The following ZNF227 variants were observed in gnomAD, a reference collection of about 807,000 sequenced individuals.
ZNF227 encodes the protein zinc finger protein 227.
In ZNF227, 12 loss-of-function variants were observed where a neutral mutation model predicts 13.2. That is an observed-to-expected ratio of 0.91 (90% CI 0.58 to 1.47). The LOEUF (loss-of-function observed/expected upper bound fraction) is 1.47, where lower values mean the gene tolerates loss of function less well. ZNF227 is among the 40% of genes most tolerant of loss of function. ZNF227 has a pLI of 0.00. For synonymous variants in ZNF227, 338 were observed against 326.0 expected, an observed-to-expected ratio of 1.04 and a Z score of -0.40; for missense variants, 885 against 967.5, an observed-to-expected ratio of 0.91 and a Z score of 1.13.
chr19:44,235,222 G>C lies in ZNF227; in HGVS notation c.792G>C (p.Arg264Ser). 6.2e-7 allele frequency: 1 copy of C among 1,613,926 alleles called. No individual in the cohort carries two copies. The highest frequency in any genetic ancestry group is 1.1e-5 in the South Asian group (1 of 91,078). ...ECGRGFSYSP[R>S]LPLHPNVHTG... ...GAAGGGGCTTCAGTTATAGCCCAAGGCTTCCCCTTCATCCGAATGTTCATA... is the reference window on the plus strand; with the variant it reads ...GAAGGGGCTTCAGTTATAGCCCAAGCCTTCCCCTTCATCCGAATGTTCATA... The change falls in exon 6 of 6, where the codon AGG (arginine) becomes AGC (serine). Residue 264 changes from arginine to serine, a missense_variant. Physicochemically the swap from Arg to Ser is moderately radical, Grantham distance 110. Coordinates refer to ENST00000313040, the MANE Select transcript of ZNF227 (RefSeq NM_182490.3).
intron 5 of ZNF227, among the ~76,000 whole-genome samples, chr19:44,233,283 T>C (rs1223781697): frequency 6.6e-6 from 1 of 152,184 alleles, no homozygotes; most frequent in Non-Finnish European, 1.5e-5. Context: ...TATTTATGTG[T>C]ATATTTACCA....
chr19:44,218,973 T>C (rs1252833358), intron 3 of ZNF227, among the ~76,000 whole-genome samples: 3 of 152,154 alleles, frequency 2.0e-5, no homozygotes, highest in Admixed American at 6.5e-5. Context: ...CTGCAACCTC[T>C]GCCTCCCAGG....
chr19:44,236,377 C>G lies in ZNF227; in HGVS notation c.1947C>G (p.Ser649=), dbSNP rs755150711. Residue 649 remains serine, a synonymous_variant, in exon 6 of 6, where the codon TCC becomes TCG. Coordinates refer to ENST00000313040, the MANE Select transcript of ZNF227 (RefSeq NM_182490.3). ...KGFSQSSGLQ[S]HQRVHTGEKP... ...TCAGTCAGTCCTCTGGTCTTCAATCCCATCAGAGAGTCCACACGGGGGAAA... is the reference window on the plus strand; with the variant it reads ...TCAGTCAGTCCTCTGGTCTTCAATCGCATCAGAGAGTCCACACGGGGGAAA... The G allele has an allele frequency of 1.9e-6, 3 of 1,613,968 alleles. No individual in the cohort carries two copies. The highest frequency in any genetic ancestry group is 4.5e-5 in the East Asian group (2 of 44,860).
chr19:44,226,822 C>CT (rs1342238861), intron 3 of ZNF227, among the ~76,000 whole-genome samples: 1 of 152,298 alleles, frequency 6.6e-6, no homozygotes, highest in East Asian at 1.9e-4. Context: ...TGAGATGAAC[C>CT]CAGTACCTCA....
At chr19:44,217,996 T>C in intron 3 of ZNF227, 144 bp downstream of exon 3, 1 of 902,884 alleles carries the variant, frequency 1.1e-6, no homozygotes, top group Non-Finnish European at 1.7e-6. Flanking sequence ...GTTTTTTTGT[T>C]TTAGTTTATC....
Position 44,235,315 on chromosome 19 carries a change from A to G in ZNF227, c.885A>G (p.Lys295=), listed in dbSNP as rs768772129. ...RTHQRIHPGE[K]LNRCHESGDC... is the part of the protein sequence containing the mutation. ...ATCAGAGAATTCACCCAGGAGAGAAACTCAATAGATGTCATGAATCTGGTG... is the reference window on the plus strand; with the variant it reads ...ATCAGAGAATTCACCCAGGAGAGAAGCTCAATAGATGTCATGAATCTGGTG... The change falls in exon 6 of 6, where the codon AAA becomes AAG. Residue 295 remains lysine, a synonymous_variant. Transcript: ENST00000313040. 1 of 1,614,174 alleles carries G rather than the reference A, an allele frequency of 6.2e-7. No individual in the cohort carries two copies. The highest frequency in any genetic ancestry group is 1.3e-5 in the African/African-American group (1 of 75,030).
In ZNF227 at chr19:44,229,789, T is replaced by C; in HGVS notation, c.244T>C (p.Trp82Arg). 1 of 1,585,684 alleles carries C rather than the reference T, an allele frequency of 6.3e-7. No individual in the cohort carries two copies. Among genetic ancestry groups the C allele is most frequent in the Non-Finnish European group, 8.6e-7 (1 of 1,161,098 alleles). Residue 82 changes from tryptophan (W) to arginine (R), a missense_variant, in exon 5 of 6, where the codon TGG (tryptophan) becomes CGG (arginine). Transcript: ENST00000313040. The part of the protein sequence containing the change: ...VSQLEAEEKL[W>R]MMETETQRSS... ...CCAATTGGAAGCAGAAGAAAAGCTTTGGATGATGGAAACAGAAACCCAAAG... is the reference window on the plus strand; with the variant it reads ...CCAATTGGAAGCAGAAGAAAAGCTTCGGATGATGGAAACAGAAACCCAAAG...
chr19:44,211,007 A>T (rs150122084), upstream of ZNF227, among the ~76,000 whole-genome samples: 401 of 152,318 alleles, frequency 2.6e-3, 2 homozygotes, highest in African/African-American at 9.0e-3. Flanking sequence ...TAGCCTGGCC[A>T]AGATGGCAAA....
rs146509644 is a variant in ZNF227 at position 44,235,969 on chromosome 19, C to T, written c.1539C>T (p.Val513=). ...QASNLQVHQN[V]HTGEKRFKCE... ...CAAATCTTCAAGTCCATCAGAATGT[C>T]CACACTGGGGAGAAACGATTCAAGT... Residue 513 remains valine, a synonymous_variant, in exon 6 of 6, where the codon GTC becomes GTT. Coordinates refer to ENST00000313040, the MANE Select transcript of ZNF227 (RefSeq NM_182490.3). 1.4e-3 allele frequency: 2,287 copies of T among 1,613,814 alleles called. 36 individuals are homozygous for T. The African/African-American group carries it at 0.027, about 19-fold the overall frequency.
At chr19:44,215,637 CTAAACT>C (rs1971800337) in intron 2 of ZNF227, among the ~76,000 whole-genome samples, 2 of 151,834 alleles carry the variant, frequency 1.3e-5, no homozygotes, top group Non-Finnish European at 1.5e-5. Flanking sequence ...TTAGCAAATA[CTAAACT>C]TAATCAGCAT....
At chr19:44,219,290 C>T (rs1021931473) in intron 3 of ZNF227, among the ~76,000 whole-genome samples, 6 of 152,112 alleles carry the variant, frequency 3.9e-5, no homozygotes, top group East Asian at 1.9e-4. Flanking sequence ...ATTCCATGAA[C>T]GTAGATGCTC....
chr19:44,236,684 G>A lies in ZNF227; in HGVS notation c.2254G>A (p.Gly752Ser), dbSNP rs1322046840. Reference protein sequence around the residue: ...KLFKCEECGKGFSQSARLEAH... With the variant: ...KLFKCEECGKSFSQSARLEAH... ...CTTTAAATGTGAAGAGTGTGGTAAA[G>A]GCTTCAGTCAGAGTGCACGTCTTGA... The change falls in exon 6 of 6, where the codon GGC (glycine) becomes AGC (serine). Residue 752 changes from glycine (G) to serine (S), a missense_variant. Gly to Ser is a moderately conservative substitution (Grantham distance 56). Coordinates refer to ENST00000313040, the MANE Select transcript of ZNF227 (RefSeq NM_182490.3). The A allele has an allele frequency of 6.2e-7, 1 of 1,613,896 alleles. No homozygotes were observed.
At position 44,236,935 on chromosome 19, in the gene ZNF227, G is replaced by T. The variant is rs565580084; in HGVS notation, c.*105G>T. The T allele has an allele frequency of 5.8e-6, 5 of 863,338 alleles. No individual in the cohort carries two copies. The highest frequency in any genetic ancestry group is 8.7e-6 in the Non-Finnish European group (5 of 574,360). 53.5% of individuals were successfully genotyped at this position (863,338 alleles called of 1,614,324 possible). ...GTAAAACTACTGAGAGTGGAAGGGG[G>T]TTTGTTCACACTTGGAATCTTTCTA... is the stretch of plus-strand genomic sequence containing the variant. On this transcript the variant is annotated 3_prime_UTR_variant, in exon 6 of 6. Transcript: ENST00000313040.
chr19:44,219,059 G>T (rs1222947627), intron 3 of ZNF227, among the ~76,000 whole-genome samples: 1 of 152,136 alleles, frequency 6.6e-6, no homozygotes, highest in African/African-American at 2.4e-5. Flanking sequence ...GGCTAATTTT[G>T]TATTTTTATT....
At chr19:44,222,371 G>C (rs906972547) in intron 3 of ZNF227, among the ~76,000 whole-genome samples, 39 of 152,068 alleles carry the variant, frequency 2.6e-4, no homozygotes, top group African/African-American at 5.8e-4. Flanking sequence ...ACATTTTCAC[G>C]ATATTGATTC....
intron 2 of ZNF227, among the ~76,000 whole-genome samples, chr19:44,215,235 C>T (rs1193338652): frequency 6.7e-6 from 1 of 149,758 alleles, no homozygotes; most frequent in Non-Finnish European, 1.5e-5. Flanking sequence ...GGCGCCATCT[C>T]GGTTCACTGC....
intron 3 of ZNF227, 25 bp from the exon 4 acceptor site, chr19:44,228,421 A>G: frequency 6.3e-7 from 1 of 1,595,272 alleles, no homozygotes; most frequent in South Asian, 1.1e-5. Context: ...TGTAAGATTG[A>G]GGTTACATGT....
At position 44,230,926 on chromosome 19, in the gene ZNF227, A is replaced by AATATATAT. The variant is rs58952117; in HGVS notation, c.271+1131_271+1138dup. ...ATCTCTACAAAAAAAAAAAAAAAAA[A>AATATATAT]ATATATATATATATATATATATATA... On this transcript the variant is annotated intron_variant, in intron 5 of 5. Transcript: ENST00000313040. Among the ~76,000 whole-genome samples, 96 of 68,040 alleles carry AATATATAT rather than the reference A, an allele frequency of 1.4e-3. 1 individual carries two copies. Among genetic ancestry groups the AATATATAT allele is most frequent in the African/African-American group, 4.5e-3 (46 of 10,200 alleles). 44.6% of individuals were successfully genotyped at this position (68,040 alleles called of 152,430 possible).
chr19:44,228,730 T>C (rs574066799), intron 4 of ZNF227, 158 bp downstream of exon 4: 1 of 911,782 alleles, frequency 1.1e-6, no homozygotes, highest in Non-Finnish European at 1.5e-6. Context: ...TTCTGGTCTT[T>C]CTGCTCAGGC....
Sources: allele counts gnomAD v4.1 joint callset (sites outside exome capture counted in the v4.1 genomes callset), GRCh38; gene constraint gnomAD v4.1.1; transcripts MANE v1.5; gene names NCBI Gene and HGNC (gene_info 2026-07-23, HGNC 2026-07-21).